PRKCQ: variants seen among roughly 807,000 people sequenced by gnomAD.
PRKCQ encodes the protein protein kinase C theta, also known as protein kinase C theta type.
Under a neutral mutation model 91.2 loss-of-function variants are expected in PRKCQ, and 41 were observed. The ratio of observed to expected loss-of-function variants is 0.45; its 90% CI spans 0.35 to 0.58. PRKCQ has a LOEUF of 0.58. Ranked by LOEUF, PRKCQ falls within the 20% of genes least tolerant of loss-of-function variation. PRKCQ has a pLI of 0.00. For missense variants in PRKCQ, 673 were observed against 896.5 expected (o/e 0.75, Z 3.18); for synonymous variants, 307 against 316.9 (o/e 0.97, Z 0.33).
At chr10:6,501,253 G>GA (rs907837896) in intron 4 of PRKCQ, among the ~76,000 whole-genome samples, 25 of 148,686 alleles carry the variant, frequency 1.7e-4, no homozygotes, top group South Asian at 8.5e-4. Context: ...GTTAGGGAAA[G>GA]AAAAAAAAAC....
Position 6,456,683 on chromosome 10 carries a change from G to A in PRKCQ, c.1638C>T (p.Ile546=), listed in dbSNP as rs142608238. 23 of 1,614,076 alleles carry A rather than the reference G, an allele frequency of 1.4e-5. No individual in the cohort carries two copies. The highest frequency in any genetic ancestry group is 1.0e-4 in the Admixed American group (6 of 60,010). ...GTCACTGCATTCCTACCTCTGGGGC[G>A]ATGTAGTCAGGTGTCCCACAGAAGG... ...TNTFCGTPDY[I]APEILLGQKY... is the part of the protein sequence containing the mutation. The change falls in exon 15 of 18, where the codon ATC becomes ATT. Residue 546 remains isoleucine, a synonymous_variant. Coordinates refer to ENST00000263125, the MANE Select transcript of PRKCQ (RefSeq NM_006257.5).
chr10:6,490,909 C>T (rs1837261471), intron 8 of PRKCQ, among the ~76,000 whole-genome samples: 3 of 151,696 alleles, frequency 2.0e-5, no homozygotes, highest in Admixed American at 2.0e-4. Flanking sequence ...TTTTTCTTCC[C>T]TAGTCCTTAA....
At chr10:6,446,287 G>C (rs1441119438) in intron 15 of PRKCQ, among the ~76,000 whole-genome samples, 1 of 150,344 alleles carries the variant, frequency 6.7e-6, no homozygotes, top group African/African-American at 2.4e-5. Context: ...TTTACCACGT[G>C]ATGTTCCTTC....
At chr10:6,496,553 T>C (rs1271565206) in intron 7 of PRKCQ, among the ~76,000 whole-genome samples, 2 of 152,216 alleles carry the variant, frequency 1.3e-5, no homozygotes, top group East Asian at 3.8e-4. Context: ...TCTCATATAA[T>C]TAATCTAAAC....
intron 1 of PRKCQ, among the ~76,000 whole-genome samples, chr10:6,547,939 A>G (rs1840026626): frequency 6.7e-6 from 1 of 150,142 alleles, no homozygotes; most frequent in Non-Finnish European, 1.5e-5. Context: ...ATCAGAGTGA[A>G]CAGGCAACCT....
intron 1 of PRKCQ, among the ~76,000 whole-genome samples, chr10:6,534,078 G>A (rs1229644486): frequency 9.9e-6 from 1 of 101,256 alleles, no homozygotes; most frequent in Non-Finnish European, 2.1e-5. Flanking sequence ...CAAAATATGT[G>A]GCAAAATATT....
intron 12 of PRKCQ, among the ~76,000 whole-genome samples, chr10:6,476,183 A>T (rs1455756489): frequency 1.3e-5 from 2 of 152,210 alleles, no homozygotes; most frequent in African/African-American, 4.8e-5. Flanking sequence ...ATCTCTCATA[A>T]GAGGGACAGA....
chr10:6,419,933 C>T, the PRKCQ span, among the ~76,000 whole-genome samples: 1 of 151,924 alleles, frequency 6.6e-6, no homozygotes, highest in Non-Finnish European at 1.5e-5. Context: ...AGATGATCTG[C>T]CCTCCTTGGC....
At chr10:6,483,406 T>A (rs760365825) in intron 11 of PRKCQ, 34 bp downstream of exon 11, 2 of 1,613,092 alleles carry the variant, frequency 1.2e-6, no homozygotes, top group South Asian at 2.2e-5. Flanking sequence ...GTTCCTGGAG[T>A]TGGGCCATAG....
At chr10:6,499,147 A>T (rs928942444) in intron 4 of PRKCQ, among the ~76,000 whole-genome samples, 2 of 152,198 alleles carry the variant, frequency 1.3e-5, no homozygotes, top group Non-Finnish European at 2.9e-5. Flanking sequence ...CAGTGATCAG[A>T]CACACCAGCT....
intron 1 of PRKCQ, among the ~76,000 whole-genome samples, chr10:6,572,115 C>T (rs1312360362): frequency 2.6e-5 from 4 of 152,210 alleles, no homozygotes; most frequent in Non-Finnish European, 5.9e-5. Flanking sequence ...GCATGACCAA[C>T]GACTGCCTTC....
the PRKCQ span, among the ~76,000 whole-genome samples, chr10:6,395,662 G>A: frequency 1.3e-5 from 2 of 152,220 alleles, no homozygotes; most frequent in South Asian, 4.1e-4. Flanking sequence ...TGGGAAAGGG[G>A]TATTATCGTC....
intron 1 of PRKCQ, among the ~76,000 whole-genome samples, chr10:6,575,666 C>A (rs1158302493): frequency 1.3e-5 from 2 of 152,190 alleles, no homozygotes; most frequent in Non-Finnish European, 2.9e-5. Context: ...GCCCAGAGAT[C>A]CCTGCCATTG....
At chr10:6,564,008 T>C (rs773486023) in intron 1 of PRKCQ, among the ~76,000 whole-genome samples, 1 of 152,112 alleles carries the variant, frequency 6.6e-6, no homozygotes, top group African/African-American at 2.4e-5. Flanking sequence ...CGTGAGGAAG[T>C]GCACTCAGGC....
chr10:6,415,542 C>T, the PRKCQ span, among the ~76,000 whole-genome samples: 1 of 148,488 alleles, frequency 6.7e-6, no homozygotes, highest in Non-Finnish European at 1.5e-5. Context: ...GAGGTGAAGG[C>T]ATGAGAACAA....
intron 10 of PRKCQ, among the ~76,000 whole-genome samples, chr10:6,484,532 A>G (rs1307601065): frequency 6.6e-6 from 1 of 152,230 alleles, no homozygotes; most frequent in African/African-American, 2.4e-5. Context: ...TTTTAAGTTG[A>G]TTTGAAGTCA....
intron 15 of PRKCQ, among the ~76,000 whole-genome samples, chr10:6,456,353 T>G (rs893279507): frequency 6.6e-6 from 1 of 152,162 alleles, no homozygotes; most frequent in African/African-American, 2.4e-5. Flanking sequence ...ACCACTTGAC[T>G]TGGGTGGACG....
chr10:6,531,275 A>G (rs918472910), intron 1 of PRKCQ, among the ~76,000 whole-genome samples: 1 of 151,904 alleles, frequency 6.6e-6, no homozygotes, highest in African/African-American at 2.4e-5. Context: ...TCTCGTTTCT[A>G]TTTGCTCAGA....
At chr10:6,534,094 A>AC (rs1347759056) in intron 1 of PRKCQ, among the ~76,000 whole-genome samples, 1 of 23,902 alleles carries the variant, frequency 4.2e-5, no homozygotes, top group Non-Finnish European at 2.5e-4. Context: ...ATATTTAATT[A>AC]TTTAATATCA....
Sources: gnomAD v4.1 joint callset for allele counts (sites outside exome capture counted in the v4.1 genomes callset) on GRCh38, gnomAD v4.1.1 for gene constraint, MANE v1.5 for transcripts, NCBI Gene and HGNC (gene_info 2026-07-23, HGNC 2026-07-21) for gene names.